DPYSL2: variants seen among roughly 807,000 people sequenced by gnomAD.
DPYSL2 encodes the protein dihydropyrimidinase like 2, also known as dihydropyrimidinase-related protein 2.
DPYSL2 carries 13 observed loss-of-function variants against 69.9 expected under a neutral mutation model. The observed-to-expected ratio is 0.19, with a 90% CI of 0.12 to 0.30. The LOEUF (loss-of-function observed/expected upper bound fraction) is 0.30, where lower values mean the gene tolerates loss of function less well. Ranked by LOEUF, DPYSL2 falls within the 10% of genes least tolerant of loss-of-function variation. The pLI is 1.00. For missense variants in DPYSL2, 587 were observed against 918.9 expected (o/e 0.64, Z 4.67); for synonymous variants, 326 against 359.1 (o/e 0.91, Z 1.04).
intron 3 of DPYSL2, among the ~76,000 whole-genome samples, chr8:26,596,775 C>T (rs989541244): frequency 6.6e-6 from 1 of 152,220 alleles, no homozygotes; most frequent in Non-Finnish European, 1.5e-5. Context: ...GGATTCCAAT[C>T]CAAGCTCTGG....
At chr8:26,563,968 C>A (rs17319724) in intron 1 of DPYSL2, among the ~76,000 whole-genome samples, 14,122 of 151,870 alleles carry the variant, frequency 0.093, 860 homozygotes, top group Middle Eastern at 0.17. Context: ...TAGGAGACAA[C>A]CTAAGGGATC....
At chr8:26,607,206 G>T (rs1287397090) in intron 3 of DPYSL2, among the ~76,000 whole-genome samples, 5 of 152,134 alleles carry the variant, frequency 3.3e-5, no homozygotes, top group Non-Finnish European at 7.4e-5. Flanking sequence ...TATTTTGGGG[G>T]CCGGGTGGTG....
intron 2 of DPYSL2, 64 bp from the exon 3 acceptor site, chr8:26,583,735 C>T: frequency 6.9e-7 from 1 of 1,443,236 alleles, no homozygotes; most frequent in South Asian, 1.3e-5. Flanking sequence ...GTGAAAGTAG[C>T]TGTCAGATCC....
At chr8:26,631,565 A>G (rs61309449) in intron 7 of DPYSL2, among the ~76,000 whole-genome samples, 3,313 of 152,300 alleles carry the variant, frequency 0.022, 108 homozygotes, top group African/African-American at 0.074. Flanking sequence ...GAGAAATTGA[A>G]ACCATTTTTA....
chr8:26,590,841 G>T (rs973052473), intron 3 of DPYSL2, among the ~76,000 whole-genome samples: 5 of 152,380 alleles, frequency 3.3e-5, no homozygotes, highest in African/African-American at 1.2e-4. Flanking sequence ...GGTCCAGCAC[G>T]CACACTTTAC....
intron 3 of DPYSL2, among the ~76,000 whole-genome samples, chr8:26,611,184 G>T (rs1344817587): frequency 6.6e-6 from 1 of 152,244 alleles, no homozygotes; most frequent in Non-Finnish European, 1.5e-5. Flanking sequence ...CTGAGCATCT[G>T]TAGTAGATTC....
At chr8:26,632,202 C>G (rs1802792008) in intron 7 of DPYSL2, among the ~76,000 whole-genome samples, 4 of 152,234 alleles carry the variant, frequency 2.6e-5, no homozygotes, top group African/African-American at 9.6e-5. Flanking sequence ...TGGAACTGAA[C>G]CATCTGTGGC....
intron 4 of DPYSL2, among the ~76,000 whole-genome samples, chr8:26,625,352 A>C (rs182921964): frequency 6.6e-6 from 1 of 152,320 alleles, no homozygotes; most frequent in African/African-American, 2.4e-5. Flanking sequence ...GGAGACTCCA[A>C]GTGGTTTAAC....
chr8:26,627,801 C>T lies in DPYSL2; in HGVS notation c.937-71C>T. On this transcript the variant is annotated intron_variant, in intron 6 of 13. Coordinates refer to ENST00000521913, the MANE Select transcript of DPYSL2 (RefSeq NM_001197293.3). The surrounding 1 kb of genome is among the most constrained non-coding windows in gnomAD (Gnocchi z 6.9). Reference sequence around the variant, plus strand: ...CCATCTTGCCCGGATAACTGCATGCCCGGGCCTCTGCCATCAGAGCTGTGC... The same window carrying T: ...CCATCTTGCCCGGATAACTGCATGCTCGGGCCTCTGCCATCAGAGCTGTGC... 2 of 1,492,860 alleles carry T rather than the reference C, an allele frequency of 1.3e-6. No homozygotes were observed. The allele number at this position is 1,492,860 out of a possible 1,614,324, so 92.5% of individuals were successfully genotyped here. A position where few individuals can be genotyped will look rare whatever the true frequency, so the allele number is the denominator to read the frequency against.
rs13281193 is a variant in DPYSL2, at chr8:26,517,945, G to A, written c.354+3266G>A. ...CTGTGCTGCCCTCTAACTGTACAAC[G>A]TCATCCCTACTCCATCCCCATAGCA... On this transcript the variant is annotated intron_variant, in intron 1 of 13. Transcript: ENST00000521913. The surrounding 1 kb of genome is among the most constrained non-coding windows in gnomAD (Gnocchi z 4.2). 0.01 allele frequency among the ~76,000 whole-genome samples: 1,555 copies of A among 152,260 alleles called. 12 individuals are homozygous for A. Among genetic ancestry groups the A allele is most frequent in the Non-Finnish European group, 0.017 (1,136 of 68,010 alleles).
Position 26,627,802 on chromosome 8 carries a change from C to T in DPYSL2, c.937-70C>T, listed in dbSNP as rs41276287. The T allele has an allele frequency of 0.082, 121,985 of 1,495,528 alleles. 7,402 individuals carry two copies. The highest frequency in any genetic ancestry group is 0.29 in the African/African-American group (21,259 of 72,414). The allele number at this position is 1,495,528 out of a possible 1,614,324, so 92.6% of individuals were successfully genotyped here. ...CATCTTGCCCGGATAACTGCATGCCCGGGCCTCTGCCATCAGAGCTGTGCA... is the reference window on the plus strand; with the variant it reads ...CATCTTGCCCGGATAACTGCATGCCTGGGCCTCTGCCATCAGAGCTGTGCA... On this transcript the variant is annotated intron_variant, in intron 6 of 13. Coordinates refer to ENST00000521913, the MANE Select transcript of DPYSL2 (RefSeq NM_001197293.3). The surrounding 1 kb of genome is among the most constrained non-coding windows in gnomAD (Gnocchi z 6.9).
At chr8:26,526,555 A>T (rs1017394959) in intron 1 of DPYSL2, among the ~76,000 whole-genome samples, 3 of 152,148 alleles carry the variant, frequency 2.0e-5, no homozygotes, top group African/African-American at 7.2e-5. Context: ...TCCTTGTCTG[A>T]TTACATTGAC....
intron 3 of DPYSL2, among the ~76,000 whole-genome samples, chr8:26,618,044 C>G (rs1182792135): frequency 6.6e-6 from 1 of 152,090 alleles, no homozygotes; most frequent in Admixed American, 6.6e-5. Flanking sequence ...CAGTAGGGTC[C>G]TTTGATAGTT....
intron 13 of DPYSL2, 120 bp from the exon 14 acceptor site, chr8:26,655,495 C>A (rs1322356944): frequency 2.3e-6 from 2 of 888,280 alleles, no homozygotes; most frequent in African/African-American, 3.3e-5. Flanking sequence ...GACGCTGTCT[C>A]CAAAAAAAAA....
chr8:26,637,239 T>C (rs1802942981), intron 8 of DPYSL2, among the ~76,000 whole-genome samples: 1 of 152,218 alleles, frequency 6.6e-6, no homozygotes, highest in Non-Finnish European at 1.5e-5. Flanking sequence ...AAACCTGAGC[T>C]GCCAGAAAGG....
intron 1 of DPYSL2, among the ~76,000 whole-genome samples, chr8:26,526,791 T>C (rs1287981879): frequency 1.3e-5 from 2 of 152,192 alleles, no homozygotes; most frequent in South Asian, 2.1e-4. Flanking sequence ...GTGACCCCCA[T>C]TGGTGTGTTC....
In DPYSL2 at chr8:26,641,878, T is replaced by A. The variant is rs1448108000; in HGVS notation, c.1127-1561T>A. Among the ~76,000 whole-genome samples, 1 of 152,200 alleles carries A rather than the reference T, an allele frequency of 6.6e-6. No homozygotes were observed. Among genetic ancestry groups the A allele is most frequent in the East Asian group, 1.9e-4 (1 of 5,192 alleles). ...AATTCCTGAGGCAGGAGGGGGCAGC[T>A]GTGCAGAGCCAGCTCTCAGAGTGGC... On this transcript the variant is annotated intron_variant, in intron 8 of 13. Transcript: ENST00000521913. This position sits in a 1 kb window ranked among gnomAD's most constrained non-coding sequence, Gnocchi z 4.1.
At chr8:26,595,801 G>A (rs1355710481) in intron 3 of DPYSL2, among the ~76,000 whole-genome samples, 1 of 152,124 alleles carries the variant, frequency 6.6e-6, no homozygotes, top group East Asian at 1.9e-4. Context: ...TGTGGCTGGT[G>A]GCTCCTTCCT....
chr8:26,541,967 C>A (rs2053538), intron 1 of DPYSL2, among the ~76,000 whole-genome samples: 1 of 151,988 alleles, frequency 6.6e-6, no homozygotes, highest in Non-Finnish European at 1.5e-5. Flanking sequence ...ATGGATTAAT[C>A]TCACCAATCA....
Sources: allele counts gnomAD v4.1 joint callset (sites outside exome capture counted in the v4.1 genomes callset), GRCh38; gene constraint gnomAD v4.1.1; non-coding constraint Gnocchi (gnomAD v3.1); transcripts MANE v1.5; gene names NCBI Gene and HGNC (gene_info 2026-07-23, HGNC 2026-07-21).